Variants in PACS2 observed in about 807,000 individuals in gnomAD.
PACS2 encodes phosphofurin acidic cluster sorting protein 2.
Under a neutral mutation model 113.0 loss-of-function variants are expected in PACS2, and 36 were observed. The observed-to-expected ratio is 0.32, with a 90% confidence interval of 0.24 to 0.42. The LOEUF is 0.42. Among genes scored for constraint, PACS2 ranks in the 10% least tolerant of loss-of-function variants. The probability of loss-of-function intolerance (pLI) is 1.00; values close to 1 mark genes in which losing one functional copy is unlikely to be tolerated. For synonymous variants in PACS2, 589 were observed against 536.1 expected, an observed-to-expected ratio of 1.10 and a Z score of -1.36; for missense variants, 1,015 against 1,239.5, an observed-to-expected ratio of 0.82 and a Z score of 2.72.
chr14:105,379,976 G>C, intron 10 of PACS2, 104 bp from the exon 11 acceptor site: 1 of 1,319,904 alleles, frequency 7.6e-7, no homozygotes, highest in South Asian at 1.2e-5. Flanking sequence ...ACACTGCCAC[G>C]CAGGTACCCC....
chr14:105,332,073 T>A (rs2059324520), intron 1 of PACS2, among the ~76,000 whole-genome samples: 1 of 152,264 alleles, frequency 6.6e-6, no homozygotes, highest in Non-Finnish European at 1.5e-5. Flanking sequence ...TGGTGCGGAT[T>A]TGTTATCAAC....
intron 1 of PACS2, among the ~76,000 whole-genome samples, chr14:105,301,851 G>GCGTA (rs1193742688): frequency 2.6e-5 from 4 of 152,338 alleles, no homozygotes; most frequent in African/African-American, 9.6e-5. Context: ...AAAAAGAAAT[G>GCGTA]CGTAACCAGG....
In PACS2 at chr14:105,354,227, T is replaced by C. The variant is rs1438217476; in HGVS notation, c.298-825T>C. ...TCTTCGGGAGGCTGAGGCAGGAGGA[T>C]TGCTTGAACCCAGGAGGTGGAGGTG... On this transcript the variant is annotated intron_variant, in intron 3 of 24. Transcript: ENST00000447393. This position sits in a 1 kb window ranked among gnomAD's most constrained non-coding sequence, Gnocchi z 4.2. Among the ~76,000 whole-genome samples, 2 of 152,130 alleles carry C rather than the reference T, an allele frequency of 1.3e-5. No individual in the cohort carries two copies. The highest frequency in any genetic ancestry group is 2.4e-5 in the African/African-American group (1 of 41,432).
intron 4 of PACS2, 23 bp from the exon 5 acceptor site, chr14:105,367,190 A>G: frequency 6.2e-7 from 1 of 1,610,114 alleles, no homozygotes; most frequent in Admixed American, 1.7e-5. Context: ...GCTGCTTTCT[A>G]GAACCGTGCC....
chr14:105,353,088 A>T (rs1223370132), intron 3 of PACS2, among the ~76,000 whole-genome samples: 16 of 59,392 alleles, frequency 2.7e-4, no homozygotes, highest in Non-Finnish European at 3.3e-4. Flanking sequence ...CTGGGGTGAC[A>T]GGCCCCCCCC....
Position 105,355,770 on chromosome 14 carries a change from C to T in PACS2, c.423+593C>T, listed in dbSNP as rs189389245. 1.3e-5 allele frequency among the ~76,000 whole-genome samples: 2 copies of T among 152,326 alleles called. No individual in the cohort carries two copies. The highest frequency in any genetic ancestry group is 6.5e-5 in the Admixed American group (1 of 15,300). On this transcript the variant is annotated intron_variant, in intron 4 of 24. Coordinates refer to ENST00000447393, the MANE Select transcript of PACS2 (RefSeq NM_001100913.3). This position sits in a 1 kb window ranked among gnomAD's most constrained non-coding sequence, Gnocchi z 4.1. ...GCCCACCTTGCTCCAGAGAACCCAG[C>T]GTTCCAAGGAGGCTGCAGTAGGGCG...
chr14:105,384,938 G>A lies in PACS2; in HGVS notation c.1951G>A (p.Ala651Thr), dbSNP rs782388584. Residue 651 changes from alanine (A) to threonine (T), a missense_variant, in exon 18 of 25, where the codon GCC (alanine) becomes ACC (threonine). Coordinates refer to ENST00000447393, the MANE Select transcript of PACS2 (RefSeq NM_001100913.3). ...ITQYIAGANC[A>T]HQLPIAEAML... ...GCAGTACATCGCAGGGGCCAACTGT[G>A]CCCACCAGCTCCCCATCGCAGAGGC... is the stretch of plus-strand genomic sequence containing the variant. The A allele has an allele frequency of 2.0e-5, 32 of 1,600,954 alleles. No individual in the cohort carries two copies. The highest frequency in any genetic ancestry group is 2.6e-5 in the Non-Finnish European group (31 of 1,174,144).
chr14:105,314,437 G>A (rs1329784090), upstream of PACS2: 1 of 149,664 alleles, frequency 6.7e-6, no homozygotes, highest in African/African-American at 2.5e-5. Context: ...CGACTCTCCC[G>A]GCCCTTGCCC....
rs782308429 is a variant in PACS2 at position 105,355,222 on chromosome 14, G to C, written c.423+45G>C. The C allele has an allele frequency of 1.9e-6, 3 of 1,594,718 alleles. No individual in the cohort carries two copies. The highest frequency in any genetic ancestry group is 4.5e-5 in the East Asian group (2 of 44,510). Reference sequence around the variant, plus strand: ...TGGCCTGCGTCGGGCTGGCCACCTGGGTGCCAGAGCATTCGCCCGTGGGAG... The same window carrying C: ...TGGCCTGCGTCGGGCTGGCCACCTGCGTGCCAGAGCATTCGCCCGTGGGAG... On this transcript the variant is annotated intron_variant, in intron 4 of 24. Coordinates refer to ENST00000447393, the MANE Select transcript of PACS2 (RefSeq NM_001100913.3). The surrounding 1 kb of genome is among the most constrained non-coding windows in gnomAD (Gnocchi z 4.1).
chr14:105,345,339 G>A (rs1237365246), intron 1 of PACS2, among the ~76,000 whole-genome samples: 6 of 151,926 alleles, frequency 3.9e-5, no homozygotes, highest in Admixed American at 6.6e-5. Flanking sequence ...CCCAGGAGGC[G>A]GAGCTTGCAG....
At chr14:105,351,017 C>T (rs2060154818) in intron 2 of PACS2, among the ~76,000 whole-genome samples, 1 of 152,204 alleles carries the variant, frequency 6.6e-6, no homozygotes, top group South Asian at 2.1e-4. Flanking sequence ...GCCGCCCGCA[C>T]CTGTCCTGAG....
At position 105,382,014 on chromosome 14, in the gene PACS2, G is replaced by A. The variant is rs782260838; in HGVS notation, c.1369G>A (p.Glu457Lys). 3 of 1,550,012 alleles carry A rather than the reference G, an allele frequency of 1.9e-6. No individual in the cohort carries two copies. The highest frequency in any genetic ancestry group is 1.9e-4 in the Middle Eastern group (1 of 5,156). The change falls in exon 13 of 25, where the codon GAG becomes AAG. Residue 457 changes from glutamate (E) to lysine (K), a missense_variant. Glu to Lys is a moderately conservative substitution (Grantham distance 56, BLOSUM62 1). Coordinates refer to ENST00000447393, the MANE Select transcript of PACS2 (RefSeq NM_001100913.3). ...TGAGCGGGCCAACAGCCTGGACAACGAGCGCTGCCCGGACGCCCGGAGCCA... is the reference window on the plus strand; with the variant it reads ...TGAGCGGGCCAACAGCCTGGACAACAAGCGCTGCCCGGACGCCCGGAGCCA... ...QNERANSLDN[E>K]RCPDARSQLQ...
chr14:105,383,283 A>T (rs781931464), intron 15 of PACS2, 76 bp from the exon 16 acceptor site: 7 of 1,541,410 alleles, frequency 4.5e-6, no homozygotes, highest in Non-Finnish European at 6.2e-6. Context: ...CTGGGCTCAC[A>T]CTGGCATCCT....
chr14:105,374,032 G>A (rs1555409858), intron 8 of PACS2, among the ~76,000 whole-genome samples: 1 of 151,822 alleles, frequency 6.6e-6, no homozygotes. Flanking sequence ...GCGGGTGCCT[G>A]TAGTCCCTGC....
chr14:105,314,993 C>A lies in PACS2; in HGVS notation c.75C>A (p.Phe25Leu). ...ACACGCCCGTGCCCATGAACCTGTT[C>A]GCCACCTGGGAGGTGGACGGCTCCA... is the stretch of plus-strand genomic sequence containing the variant. ...ALNTPVPMNL[F>L]ATWEVDGSSP... The change falls in exon 1 of 25, where the codon TTC becomes TTA. Residue 25 changes from phenylalanine to leucine, a missense_variant. Around this residue, in one of 3 missense-constraint regions of PACS2, gnomAD observed 140 missense variants for 135.1 expected, o/e 1.04. Transcript: ENST00000447393. 8.0e-7 allele frequency: 1 copy of A among 1,252,520 alleles called. No homozygotes were observed. 77.6% of individuals were successfully genotyped at this position (1,252,520 alleles called of 1,614,324 possible). A position where few individuals can be genotyped will look rare whatever the true frequency, so the allele number is the denominator to read the frequency against.
chr14:105,310,508 C>T (rs987226276), upstream of PACS2, among the ~76,000 whole-genome samples: 2 of 120,912 alleles, frequency 1.7e-5, no homozygotes, highest in African/African-American at 3.3e-5. Flanking sequence ...CCAGCCTGGG[C>T]GACAGACAGA....
At position 105,395,247 on chromosome 14, in the gene PACS2, G is replaced by A. The variant is rs2081499866; in HGVS notation, c.*575G>A. ...GCTTTTCAATACATGTTCTAATGTA[G>A]CTGCCAAACATGTTGCTCTTCTGAA... On this transcript the variant is annotated 3_prime_UTR_variant, in exon 25 of 25. Transcript: ENST00000447393. 6.6e-6 allele frequency: 1 copy of A among 152,582 alleles called. No homozygotes were observed. The highest frequency in any genetic ancestry group is 1.5e-5 in the Non-Finnish European group (1 of 68,290). The allele number at this position is 152,582 out of a possible 1,614,324, so 9.5% of individuals were successfully genotyped here.
chr14:105,382,151 C>A (rs2081017109), intron 13 of PACS2, 93 bp downstream of exon 13: 1 of 1,349,564 alleles, frequency 7.4e-7, no homozygotes, highest in Non-Finnish European at 9.9e-7. Context: ...CACAGGGGGC[C>A]AAGGGTGCTG....
intron 4 of PACS2, among the ~76,000 whole-genome samples, chr14:105,363,927 C>T (rs2060825136): frequency 6.6e-6 from 1 of 152,064 alleles, no homozygotes; most frequent in Non-Finnish European, 1.5e-5. Context: ...AGAGAGGCCA[C>T]AGGAGAGACA....
Sources: allele counts gnomAD v4.1 joint callset (sites outside exome capture counted in the v4.1 genomes callset), GRCh38; gene constraint gnomAD v4.1.1; regional missense constraint gnomAD v4.1.1; non-coding constraint Gnocchi (gnomAD v3.1); transcripts MANE v1.5; gene names NCBI Gene and HGNC (gene_info 2026-07-23, HGNC 2026-07-21).